Variants in COL18A1 observed in about 807,000 individuals in gnomAD.
The protein encoded by COL18A1 is collagen type XVIII alpha 1 chain, also known as collagen alpha-1(XVIII) chain.
Under a neutral mutation model 168.0 loss-of-function variants are expected in COL18A1, and 133 were observed. That is an observed-to-expected ratio of 0.79 (90% CI 0.69 to 0.91). The LOEUF is 0.91. Ranked by LOEUF, COL18A1 falls within the 40% of genes least tolerant of loss-of-function variation. The probability of loss-of-function intolerance (pLI) is 0.00; values close to 1 mark genes in which losing one functional copy is unlikely to be tolerated. For synonymous variants in COL18A1, 949 were observed against 809.0 expected (o/e 1.17, Z -2.94); for missense variants, 2,126 against 1,925.4 (o/e 1.10, Z -1.95).
Position 45,497,047 on chromosome 21 carries a change from C to T in COL18A1, c.2578-3C>T, listed in dbSNP as rs777261480. The T allele has an allele frequency of 6.2e-6, 10 of 1,601,514 alleles. No individual in the cohort carries two copies. The highest frequency in any genetic ancestry group is 8.5e-6 in the Non-Finnish European group (10 of 1,172,684). ...AGCAGCCGCCTCTCCCCGTTCCTTGCAGGTGTTTGCTGAGTCCAGCCGCCC... is the reference window on the plus strand; with the variant it reads ...AGCAGCCGCCTCTCCCCGTTCCTTGTAGGTGTTTGCTGAGTCCAGCCGCCC... On this transcript the variant is annotated splice_polypyrimidine_tract_variant and splice_region_variant and intron_variant, in intron 30 of 41. Transcript: ENST00000651438.
intron 2 of COL18A1, among the ~76,000 whole-genome samples, chr21:45,447,230 A>T (rs1186545756): frequency 6.6e-6 from 1 of 151,074 alleles, no homozygotes; most frequent in Admixed American, 6.6e-5. Context: ...TATATATCAT[A>T]TATCATATGT....
At chr21:45,434,214 C>G (rs1212113040) in intron 2 of COL18A1, among the ~76,000 whole-genome samples, 2 of 152,104 alleles carry the variant, frequency 1.3e-5, no homozygotes, top group Non-Finnish European at 2.9e-5. Flanking sequence ...TGGTGATATT[C>G]AAGCTCTTGC....
intron 26 of COL18A1, chr21:45,494,332 C>T: frequency 6.5e-6 from 4 of 619,692 alleles, no homozygotes; most frequent in South Asian, 1.8e-5. Context: ...AAACCCGACC[C>T]TCCCCTCACC....
rs770111210 is a variant in COL18A1 at position 45,455,849 on chromosome 21, A to G, written c.107-12393A>G. ...GAGCCCGGACGCGCCAGAGGAGAAC[A>G]TTGCCGGTGTCGGAGCCGAGATCCT... On this transcript the variant is annotated intron_variant, in intron 2 of 41. Transcript: ENST00000651438. The G allele has an allele frequency of 1.5e-5, 24 of 1,613,034 alleles. No homozygotes were observed. Among genetic ancestry groups the G allele is most frequent in the Non-Finnish European group, 1.9e-5 (22 of 1,180,014 alleles).
intron 2 of COL18A1, among the ~76,000 whole-genome samples, chr21:45,437,221 C>CTCACAG (rs2034143996): frequency 8.4e-6 from 1 of 119,306 alleles, no homozygotes; most frequent in Non-Finnish European, 1.7e-5. Context: ...CACACACACA[C>CTCACAG]ACAGACACAC....
intron 2 of COL18A1, among the ~76,000 whole-genome samples, chr21:45,438,062 ACT>A (rs1280371888): frequency 3.9e-5 from 5 of 127,808 alleles, no homozygotes; most frequent in Non-Finnish European, 4.9e-5. Context: ...ACACACTCAC[ACT>A]CACACTCAGA....
intron 2 of COL18A1, among the ~76,000 whole-genome samples, chr21:45,448,240 T>C (rs535526724): frequency 3.9e-5 from 6 of 152,260 alleles, no homozygotes. Flanking sequence ...AGCAAACACT[T>C]GCCACATTTT....
rs1164892052 is a variant in COL18A1, at chr21:45,473,442, A to T, written c.652-453A>T. On this transcript the variant is annotated intron_variant, in intron 3 of 41. Coordinates refer to ENST00000651438, the MANE Select transcript of COL18A1 (RefSeq NM_001379500.1). This position sits in a 1 kb window ranked among gnomAD's most constrained non-coding sequence, Gnocchi z 4.0. ...TGAAAAGGTGAAGTTCAAAGAAAGC[A>T]AAGCCATGGTGCCACCTCGGTTGGT... 6.6e-6 allele frequency among the ~76,000 whole-genome samples: 1 copy of T among 152,230 alleles called. No individual in the cohort carries two copies. Among genetic ancestry groups the T allele is most frequent in the Non-Finnish European group, 1.5e-5 (1 of 68,042 alleles).
rs375236772 is a variant in COL18A1, at chr21:45,505,339, C to G, written c.3014-19C>G. ...GCCTCGTGTGGCTTCGTGTTCCCACCTTGGTTTCTCTCCTGCAGCTATCAG... is the reference window on the plus strand; with the variant it reads ...GCCTCGTGTGGCTTCGTGTTCCCACGTTGGTTTCTCTCCTGCAGCTATCAG... On this transcript the variant is annotated intron_variant, in intron 35 of 41. Coordinates refer to ENST00000651438, the MANE Select transcript of COL18A1 (RefSeq NM_001379500.1). The G allele has an allele frequency of 2.5e-6, 4 of 1,593,184 alleles. No individual in the cohort carries two copies. Among genetic ancestry groups the G allele is most frequent in the Non-Finnish European group, 3.4e-6 (4 of 1,163,002 alleles).
chr21:45,444,329 A>G (rs1460364402), intron 2 of COL18A1, among the ~76,000 whole-genome samples: 1 of 139,376 alleles, frequency 7.2e-6, no homozygotes, highest in African/African-American at 2.8e-5. Context: ...GGTGGCGTGC[A>G]GGGGTGTAGT....
chr21:45,465,614 T>C (rs543304118), intron 2 of COL18A1, among the ~76,000 whole-genome samples: 53 of 152,294 alleles, frequency 3.5e-4, no homozygotes, highest in Middle Eastern at 3.4e-3. Flanking sequence ...GAGCACTCCA[T>C]GTGGGCACGA....
rs913023464 is a variant in COL18A1, at chr21:45,463,757, T to C, written c.107-4485T>C. ...TACTAACAATACAAAATTAGCTGGGTATGGTGGTGCATGCCTGTAATCCTA... is the reference window on the plus strand; with the variant it reads ...TACTAACAATACAAAATTAGCTGGGCATGGTGGTGCATGCCTGTAATCCTA... On this transcript the variant is annotated intron_variant, in intron 2 of 41. Transcript: ENST00000651438. This position sits in a 1 kb window ranked among gnomAD's most constrained non-coding sequence, Gnocchi z 4.0. Among the ~76,000 whole-genome samples the C allele has an allele frequency of 6.6e-6, 1 of 151,880 alleles. No homozygotes were observed. Among genetic ancestry groups the C allele is most frequent in the Admixed American group, 6.6e-5 (1 of 15,244 alleles).
rs150738831 is a variant in COL18A1, at chr21:45,437,316, TCC to T, written c.107-30925_107-30924del. Among the ~76,000 whole-genome samples the T allele has an allele frequency of 6.1e-4, 55 of 89,502 alleles. 3 individuals carry two copies. Among genetic ancestry groups the T allele is most frequent in the African/African-American group, 2.9e-3 (53 of 18,372 alleles). The allele number at this position is 89,502 out of a possible 152,430, so 58.7% of individuals were successfully genotyped here. On this transcript the variant is annotated intron_variant, in intron 2 of 41. Transcript: ENST00000651438. ...CACACACACACTCACACAGGCACTC[TCC>T]TGCACACACACACACTCAGACACAC...
intron 2 of COL18A1, among the ~76,000 whole-genome samples, chr21:45,438,344 A>ACT (rs1555973202): frequency 3.4e-4 from 31 of 90,498 alleles, no homozygotes; most frequent in East Asian, 1.8e-3. Flanking sequence ...ACACACTCAC[A>ACT]CACTCAGACA....
At position 45,477,044 on chromosome 21, in the gene COL18A1, C is replaced by T. The variant is rs73907528; in HGVS notation, c.929-367C>T. Among the ~76,000 whole-genome samples, 644 of 151,856 alleles carry T rather than the reference C, an allele frequency of 4.2e-3. 6 individuals carry two copies. Among genetic ancestry groups the T allele is most frequent in the African/African-American group, 0.015 (623 of 41,348 alleles). ...CTCTTGCAGGATTTCTGTTGGTTTTCATTTTTATTTTAAGTAAAAGTTAAG... is the reference window on the plus strand; with the variant it reads ...CTCTTGCAGGATTTCTGTTGGTTTTTATTTTTATTTTAAGTAAAAGTTAAG... On this transcript the variant is annotated intron_variant, in intron 6 of 41. Coordinates refer to ENST00000651438, the MANE Select transcript of COL18A1 (RefSeq NM_001379500.1).
rs1002785952 is a variant in COL18A1, at chr21:45,479,110, C to G, written c.1248+757C>G. 1.9e-4 allele frequency among the ~76,000 whole-genome samples: 29 copies of G among 152,110 alleles called. 1 individual carries two copies. Among genetic ancestry groups the G allele is most frequent in the Non-Finnish European group, 1.5e-5 (1 of 68,010 alleles). On this transcript the variant is annotated intron_variant, in intron 9 of 41. Coordinates refer to ENST00000651438, the MANE Select transcript of COL18A1 (RefSeq NM_001379500.1). ...GTGTGGGGTGATGATCCACGGGGCCCACCCACAGGGCACACACACGTGTGT... is the reference window on the plus strand; with the variant it reads ...GTGTGGGGTGATGATCCACGGGGCCGACCCACAGGGCACACACACGTGTGT...
chr21:45,467,161 T>C (rs2035241714), intron 2 of COL18A1: 1 of 881,964 alleles, frequency 1.1e-6, no homozygotes, highest in Non-Finnish European at 1.4e-6. Context: ...GAAGTCACTC[T>C]GAGCAGGGTC....
At position 45,405,485 on chromosome 21, in the gene COL18A1, G is replaced by T; in HGVS notation, c.106+12G>T. The T allele has an allele frequency of 7.4e-7, 1 of 1,355,344 alleles. No homozygotes were observed. Among genetic ancestry groups the T allele is most frequent in the Non-Finnish European group, 9.6e-7 (1 of 1,044,880 alleles). 84.0% of individuals were successfully genotyped at this position (1,355,344 alleles called of 1,614,324 possible). On this transcript the variant is annotated intron_variant, in intron 2 of 41. Coordinates refer to ENST00000651438, the MANE Select transcript of COL18A1 (RefSeq NM_001379500.1). ...CTCCGCGGAGCCAGGTAAGACCCGG[G>T]CGGGACGGGAAGGTTCGCGCCGGTG...
chr21:45,477,873 C>T lies in COL18A1; in HGVS notation c.1129C>T (p.Pro377Ser). Residue 377 changes from proline to serine, a missense_variant, in exon 8 of 42, where the codon CCT becomes TCT. Transcript: ENST00000651438. ...GLPCPVSPLG[P>S]AGPALQTVPG... ...CCCGTGCCCAGTGAGTCCCCTGGGT[C>T]CTGCAGGCCCAGCGTTGCAAACTGT... is the stretch of plus-strand genomic sequence containing the variant. The T allele has an allele frequency of 6.4e-7, 1 of 1,555,650 alleles. No homozygotes were observed. Among genetic ancestry groups the T allele is most frequent in the Non-Finnish European group, 8.7e-7 (1 of 1,149,130 alleles).
Sources: gnomAD v4.1 joint callset for allele counts (sites outside exome capture counted in the v4.1 genomes callset) on GRCh38, gnomAD v4.1.1 for gene constraint, Gnocchi (gnomAD v3.1) non-coding constraint, MANE v1.5 for transcripts, NCBI Gene and HGNC (gene_info 2026-07-23, HGNC 2026-07-21) for gene names.